Variants in DMXL1 observed in about 807,000 individuals in gnomAD.
DMXL1 encodes Dmx like 1, also known as dmX-like protein 1.
A neutral mutation model predicts 319.2 loss-of-function variants in DMXL1; 99 were observed. The observed-to-expected ratio is 0.31, with a 90% CI of 0.26 to 0.37. The LOEUF is 0.37. Ranked by LOEUF, DMXL1 falls within the 10% of genes least tolerant of loss-of-function variation. The probability of loss-of-function intolerance (pLI) is 1.00; values close to 1 mark genes in which losing one functional copy is unlikely to be tolerated. For missense variants in DMXL1, 3,745 were observed against 3,595.6 expected, an observed-to-expected ratio of 1.04 and a Z score of -1.06; for synonymous variants, 1,385 against 1,235.2, an observed-to-expected ratio of 1.12 and a Z score of -2.54.
intron 5 of DMXL1, among the ~76,000 whole-genome samples, chr5:119,112,222 A>C (rs1759792087): frequency 6.6e-6 from 1 of 152,158 alleles, no homozygotes. Flanking sequence ...CAGCCTCCCC[A>C]AGTGCTGGGA....
chr5:119,156,474 G>A (rs1581065190), intron 19 of DMXL1, among the ~76,000 whole-genome samples: 1 of 152,022 alleles, frequency 6.6e-6, no homozygotes, highest in Admixed American at 6.6e-5. Flanking sequence ...CTATATATAC[G>A]ATATTTTCTT....
At position 119,197,849 on chromosome 5, in the gene DMXL1, G is replaced by A. The variant is rs1473864705; in HGVS notation, c.7638G>A (p.Gly2546=). The change falls in exon 32 of 44, where the codon GGG becomes GGA. Residue 2546 remains glycine, a synonymous_variant. Transcript: ENST00000539542. ...TCCGACGACTTGAAATCCATGGTGG[G>A]CCACCTCAAAATTATATCGCAAGTC... The part of the protein sequence containing the change: ...VLLRRLEIHG[G]PPQNYIASHT... 3 of 1,614,002 alleles carry A rather than the reference G, an allele frequency of 1.9e-6. No homozygotes were observed. Among genetic ancestry groups the A allele is most frequent in the African/African-American group, 2.7e-5 (2 of 74,916 alleles).
At chr5:119,096,377 T>A (rs968141615) in intron 1 of DMXL1, among the ~76,000 whole-genome samples, 1 of 152,024 alleles carries the variant, frequency 6.6e-6, no homozygotes, top group Non-Finnish European at 1.5e-5. Context: ...GGTTTCTGCA[T>A]GTAGGTCAGG....
At chr5:119,086,602 A>G (rs1021802818) in intron 1 of DMXL1, among the ~76,000 whole-genome samples, 2 of 152,138 alleles carry the variant, frequency 1.3e-5, no homozygotes, top group Admixed American at 1.3e-4. Context: ...GTTTTTTTGA[A>G]GAGTTTGAGT....
intron 1 of DMXL1, 143 bp from the exon 2 acceptor site, chr5:119,097,835 GA>G (rs1482062195): frequency 1.3e-6 from 1 of 747,448 alleles, no homozygotes; most frequent in African/African-American, 1.8e-5. Flanking sequence ...GCCAAATGTA[GA>G]TTTTTTTTTT....
chr5:119,099,586 A>G (rs1561575607), intron 2 of DMXL1, among the ~76,000 whole-genome samples: 1 of 152,168 alleles, frequency 6.6e-6, no homozygotes, highest in Non-Finnish European at 1.5e-5. Flanking sequence ...TCTTAACTGT[A>G]TAAAAACTTG....
chr5:119,075,339 A>G (rs1009939815), intron 1 of DMXL1, among the ~76,000 whole-genome samples: 3 of 150,108 alleles, frequency 2.0e-5, no homozygotes, highest in African/African-American at 7.4e-5. Flanking sequence ...TCCCGGGTTC[A>G]AGCTGTTCTC....
rs138186062 is a variant in DMXL1 at position 119,133,636 on chromosome 5, G to A, written c.1712G>A (p.Arg571His). The A allele has an allele frequency of 1.6e-5, 26 of 1,613,936 alleles. No homozygotes were observed. The highest frequency in any genetic ancestry group is 1.6e-4 in the Middle Eastern group (1 of 6,084). The change falls in exon 12 of 44, where the codon CGT becomes CAT. Residue 571 changes from arginine to histidine, a missense_variant. Physicochemically the swap from Arg to His is conservative, Grantham distance 29. Coordinates refer to ENST00000539542, the MANE Select transcript of DMXL1 (RefSeq NM_001290321.3). ...AAACAAAAACCTTCTGGCCTCACCC[G>A]TTCCACATCAATGCTTATTTCTTCT... ...QGKQKPSGLT[R>H]STSMLISSGH...
rs145731557 is a variant in DMXL1, at chr5:119,236,476, A to G, written c.8467-846A>G. ...GTTTTAAATTGTAATACCACTGTAC[A>G]GTGTAATACTACACACAGCACAAGA... On this transcript the variant is annotated intron_variant, in intron 39 of 43. Transcript: ENST00000539542. The G allele has an allele frequency of 5.8e-3, 883 of 152,154 alleles. 13 individuals are homozygous for G. The highest frequency in any genetic ancestry group is 0.02 in the African/African-American group (834 of 41,566). 9.4% of individuals were successfully genotyped at this position (152,154 alleles called of 1,614,324 possible).
chr5:119,203,122 A>G (rs1781123894), intron 32 of DMXL1, among the ~76,000 whole-genome samples, 197 bp from the exon 33 acceptor site: 1 of 151,932 alleles, frequency 6.6e-6, no homozygotes, highest in African/African-American at 2.4e-5. Flanking sequence ...CAGAGACCAT[A>G]TGGTCCACAA....
Position 119,183,741 on chromosome 5 carries a change from G to A in DMXL1, c.7135+5497G>A, listed in dbSNP as rs116636988. On this transcript the variant is annotated intron_variant, in intron 28 of 43. Transcript: ENST00000539542. ...CCTAAAGTGCTTGGATTACAAGTGT[G>A]AGCCACCACGCCTGGCCAGGAGTAC... Among the ~76,000 whole-genome samples, 891 of 152,248 alleles carry A rather than the reference G, an allele frequency of 5.9e-3. 9 individuals are homozygous for A. The highest frequency in any genetic ancestry group is 0.02 in the African/African-American group (822 of 41,532).
chr5:119,110,879 C>T lies in DMXL1; in HGVS notation c.497+596C>T, dbSNP rs533337613. Among the ~76,000 whole-genome samples, 20 of 152,300 alleles carry T rather than the reference C, an allele frequency of 1.3e-4. No individual in the cohort carries two copies. The South Asian group carries it at 2.3e-3, about 17-fold the overall frequency. On this transcript the variant is annotated intron_variant, in intron 5 of 43. Coordinates refer to ENST00000539542, the MANE Select transcript of DMXL1 (RefSeq NM_001290321.3). Reference sequence around the variant, plus strand: ...GTGAGGCTTACTGCAACCTCCACCTCCCTGGTTCAAGCAATTCTCCTGCCT... The same window carrying T: ...GTGAGGCTTACTGCAACCTCCACCTTCCTGGTTCAAGCAATTCTCCTGCCT...
At position 119,189,830 on chromosome 5, in the gene DMXL1, G is replaced by C; in HGVS notation, c.7258G>C (p.Val2420Leu). The stretch of plus-strand genomic sequence containing the variant: ...ACCAGTAAGCCAGGAGTCACTGGCG[G>C]TTAAAGAAAAGTTCATCCCACCTGA... ...SAPVSQESLA[V>L]KEKFIPPELS... is the part of the protein sequence containing the mutation. Residue 2420 changes from valine (V) to leucine (L), a missense_variant, in exon 29 of 44, where the codon GTT becomes CTT. By Grantham distance (32) the Val-to-Leu change is conservative. Transcript: ENST00000539542. 6.2e-7 allele frequency: 1 copy of C among 1,614,082 alleles called. No homozygotes were observed. The highest frequency in any genetic ancestry group is 8.5e-7 in the Non-Finnish European group (1 of 1,179,974).
intron 1 of DMXL1, among the ~76,000 whole-genome samples, chr5:119,092,840 A>G (rs767080979): frequency 2.8e-4 from 43 of 152,200 alleles, no homozygotes; most frequent in Non-Finnish European, 5.6e-4. Flanking sequence ...AGTACTTTTT[A>G]TGGCTTAATA....
intron 2 of DMXL1, among the ~76,000 whole-genome samples, chr5:119,101,476 A>G (rs941029050): frequency 6.6e-6 from 1 of 152,252 alleles, no homozygotes; most frequent in African/African-American, 2.4e-5. Context: ...AAAGGATAAA[A>G]TAGAATATGT....
chr5:119,193,913 A>T lies in DMXL1; in HGVS notation c.7400A>T (p.Asp2467Val), dbSNP rs1485642973. The T allele has an allele frequency of 6.2e-7, 1 of 1,611,958 alleles. No individual in the cohort carries two copies. The highest frequency in any genetic ancestry group is 8.5e-7 in the Non-Finnish European group (1 of 1,178,654). ...GSDDDDNDDD[D>V]DVLASDFHLQ... ...GATGATGATGACAATGATGATGATG[A>T]TGATGTTTTAGCATCAGATTTCCAT... Residue 2467 changes from aspartate (D) to valine (V), a missense_variant, in exon 30 of 44, where the codon GAT becomes GTT. Transcript: ENST00000539542.
At chr5:119,194,504 A>T (rs1779262199) in intron 30 of DMXL1, among the ~76,000 whole-genome samples, 1 of 150,274 alleles carries the variant, frequency 6.7e-6, no homozygotes, top group African/African-American at 2.5e-5. Flanking sequence ...GTCTCTATTG[A>T]TATGTTTACA....
intron 29 of DMXL1, among the ~76,000 whole-genome samples, chr5:119,193,621 A>G (rs1779089672): frequency 6.6e-6 from 1 of 152,142 alleles, no homozygotes; most frequent in African/African-American, 2.4e-5. Context: ...CGCACAGTGG[A>G]TACTTAATAA....
At chr5:119,243,221 A>T (rs1789151398) in intron 42 of DMXL1, among the ~76,000 whole-genome samples, 1 of 152,172 alleles carries the variant, frequency 6.6e-6, no homozygotes, top group African/African-American at 2.4e-5. Context: ...GTGCTGGTCA[A>T]AGTTCCTTCT....
Sources: gnomAD v4.1 joint callset for allele counts (sites outside exome capture counted in the v4.1 genomes callset) on GRCh38, gnomAD v4.1.1 for gene constraint, MANE v1.5 for transcripts, NCBI Gene and HGNC (gene_info 2026-07-23, HGNC 2026-07-21) for gene names.